COL5A1: variants seen among roughly 807,000 people sequenced by gnomAD.
COL5A1 encodes the protein collagen alpha-1(V) chain.
COL5A1 carries 16 observed loss-of-function variants against 263.7 expected under a neutral mutation model. That is an observed-to-expected ratio of 0.06 (90% CI 0.04 to 0.09). COL5A1 has a LOEUF of 0.09. Ranked by LOEUF, COL5A1 falls within the 10% of genes least tolerant of loss-of-function variation. COL5A1 has a pLI of 1.00. For synonymous variants in COL5A1, 1,012 were observed against 1,004.5 expected (o/e 1.01, Z -0.14); for missense variants, 2,036 against 2,540.5 (o/e 0.80, Z 4.27).
At chr9:134,674,522 G>T (rs1029831343) in intron 1 of COL5A1, among the ~76,000 whole-genome samples, 12 of 152,136 alleles carry the variant, frequency 7.9e-5, no homozygotes, top group Non-Finnish European at 1.5e-4. Context: ...TAGTGTGTGT[G>T]TGTGTTGGAT....
At position 134,790,497 on chromosome 9, in the gene COL5A1, C is replaced by T. The variant is rs1489634460; in HGVS notation, c.2700+1289C>T. 1.7e-4 allele frequency among the ~76,000 whole-genome samples: 14 copies of T among 83,142 alleles called. No individual in the cohort carries two copies. In the East Asian group the frequency reaches 3.1e-3, roughly 18 times the overall value. 54.5% of individuals were successfully genotyped at this position (83,142 alleles called of 152,430 possible). A position where few individuals can be genotyped will look rare whatever the true frequency, so the allele number is the denominator to read the frequency against. On this transcript the variant is annotated intron_variant, in intron 32 of 65. Coordinates refer to ENST00000371817, the MANE Select transcript of COL5A1 (RefSeq NM_000093.5). Reference sequence around the variant, plus strand: ...ACCCACCCATCCACCCATCCACCCACCCACCCACCCACCCATCCATTCATC... The same window carrying T: ...ACCCACCCATCCACCCATCCACCCATCCACCCACCCACCCATCCATTCATC...
rs898917922 is a variant in COL5A1 at position 134,757,759 on chromosome 9, C to T, written c.1882-484C>T. Among the ~76,000 whole-genome samples, 11 of 152,302 alleles carry T rather than the reference C, an allele frequency of 7.2e-5. No individual in the cohort carries two copies. Among genetic ancestry groups the T allele is most frequent in the Non-Finnish European group, 1.2e-4 (8 of 68,030 alleles). The stretch of plus-strand genomic sequence containing the variant: ...GCTCCAGGGCATGCAGAAGAGGGGC[C>T]GGCCAGAGAGCCAGGATGCCTGAGG... On this transcript the variant is annotated intron_variant, in intron 17 of 65. Coordinates refer to ENST00000371817, the MANE Select transcript of COL5A1 (RefSeq NM_000093.5). This position sits in a 1 kb window ranked among gnomAD's most constrained non-coding sequence, Gnocchi z 6.2.
chr9:134,660,420 A>G (rs1476438390), intron 1 of COL5A1, among the ~76,000 whole-genome samples: 1 of 152,178 alleles, frequency 6.6e-6, no homozygotes, highest in African/African-American at 2.4e-5. Flanking sequence ...TTTATTAGAA[A>G]CCAGTGGAAT....
chr9:134,772,771 G>T lies in COL5A1; in HGVS notation c.2287-19G>T, dbSNP rs773972034. 5.0e-6 allele frequency: 8 copies of T among 1,613,918 alleles called. No individual in the cohort carries two copies. In the South Asian group the frequency reaches 5.5e-5, roughly 11 times the overall value. On this transcript the variant is annotated intron_variant, in intron 25 of 65. Transcript: ENST00000371817. The stretch of plus-strand genomic sequence containing the variant: ...TCTGGAGTGGCACTGACTAATCAAT[G>T]CTTCTTCTTTTGTGACAGGGACACC...
chr9:134,768,365 A>T lies in COL5A1; in HGVS notation c.2233-45A>T, dbSNP rs774977453. 5 of 1,555,216 alleles carry T rather than the reference A, an allele frequency of 3.2e-6. No individual in the cohort carries two copies. In the Admixed American group the frequency reaches 8.3e-5, roughly 26 times the overall value. ...TGGTGGCCGACGGAGAGGTCAGGTGAGCCTAGGGAGGGCATCTCCTCATGG... is the reference window on the plus strand; with the variant it reads ...TGGTGGCCGACGGAGAGGTCAGGTGTGCCTAGGGAGGGCATCTCCTCATGG... On this transcript the variant is annotated intron_variant, in intron 24 of 65. Transcript: ENST00000371817.
chr9:134,766,569 G>C, intron 22 of COL5A1, 71 bp downstream of exon 22: 2 of 1,485,178 alleles, frequency 1.3e-6, no homozygotes, highest in Non-Finnish European at 1.9e-6. Flanking sequence ...CCTGGCTAGG[G>C]AGGTCCATCG....
chr9:134,828,389 A>T (rs1334506474), intron 63 of COL5A1, among the ~76,000 whole-genome samples: 1 of 152,078 alleles, frequency 6.6e-6, no homozygotes, highest in Non-Finnish European at 1.5e-5. Flanking sequence ...CAGGCAGCCG[A>T]GGAGCAGCCC....
intron 11 of COL5A1, among the ~76,000 whole-genome samples, chr9:134,747,406 T>C (rs554985588): frequency 1.3e-5 from 2 of 152,306 alleles, no homozygotes; most frequent in South Asian, 4.1e-4. Context: ...AGCAACACCA[T>C]GTGAGCAGGA....
intron 9 of COL5A1, chr9:134,732,545 G>A (rs564502841): frequency 1.2e-4 from 36 of 313,014 alleles, no homozygotes; most frequent in African/African-American, 6.1e-4. Flanking sequence ...TAGTTAACAC[G>A]TGGTCGTACC....
chr9:134,691,493 T>C (rs372894940), intron 2 of COL5A1: 1 of 228,274 alleles, frequency 4.4e-6, no homozygotes, highest in African/African-American at 2.3e-5. Flanking sequence ...GCAGTGACAT[T>C]AAGAGACGAT....
rs1231071869 is a variant in COL5A1, at chr9:134,728,870, C to T, written c.924+63C>T. 12 of 1,603,750 alleles carry T rather than the reference C, an allele frequency of 7.5e-6. No homozygotes were observed. The South Asian group carries it at 8.8e-5, about 12-fold the overall frequency. Reference sequence around the variant, plus strand: ...CTCGAGGCCATGGTGCAGGGGAGGGCGAGGCCAGGAGAGGTTGTGTCAGGG... The same window carrying T: ...CTCGAGGCCATGGTGCAGGGGAGGGTGAGGCCAGGAGAGGTTGTGTCAGGG... On this transcript the variant is annotated intron_variant, in intron 6 of 65. Transcript: ENST00000371817.
At chr9:134,703,900 C>A (rs567661830) in intron 4 of COL5A1, among the ~76,000 whole-genome samples, 8 of 152,140 alleles carry the variant, frequency 5.3e-5, no homozygotes, top group South Asian at 4.1e-4. Context: ...CGGCCTCCCA[C>A]AGTGCTGGGA....
rs141676973 is a variant in COL5A1, at chr9:134,811,386, C to T, written c.3576C>T (p.Gly1192=). Residue 1192 remains glycine, a synonymous_variant, in exon 45 of 66, where the codon GGC becomes GGT. Transcript: ENST00000371817. ...TGPQGPIGQP[G]PSGADGEPGP... ...CTCAAGGCCCCATCGGACAGCCAGG[C>T]CCCTCTGTGAGTATCCATGGTCAAT... 2 of 1,613,416 alleles carry T rather than the reference C, an allele frequency of 1.2e-6. No homozygotes were observed. The highest frequency in any genetic ancestry group is 1.1e-5 in the South Asian group (1 of 91,046).
At chr9:134,740,180 A>G (rs1564423420) in intron 11 of COL5A1, among the ~76,000 whole-genome samples, 1 of 152,138 alleles carries the variant, frequency 6.6e-6, no homozygotes, top group Non-Finnish European at 1.5e-5. Flanking sequence ...ACATTTCCAA[A>G]ACTCCAGACA....
At chr9:134,822,838 C>A in intron 59 of COL5A1, 160 bp from the exon 60 acceptor site, 1 of 862,214 alleles carries the variant, frequency 1.2e-6, no homozygotes, top group Non-Finnish European at 1.9e-6. Context: ...AGGCCCCGAC[C>A]CTCCTCCCAC....
At chr9:134,782,558 C>G (rs755676002) in intron 28 of COL5A1, 109 bp from the exon 29 acceptor site, 3 of 1,057,360 alleles carry the variant, frequency 2.8e-6, no homozygotes, top group South Asian at 1.2e-5. Flanking sequence ...TGCTGCCCCC[C>G]AAGCGTGGGG....
chr9:134,723,898 C>T (rs746501923), intron 4 of COL5A1, among the ~76,000 whole-genome samples: 4 of 152,190 alleles, frequency 2.6e-5, no homozygotes, highest in Admixed American at 6.5e-5. Flanking sequence ...CTGAGCTCCT[C>T]GCTCATCATT....
At chr9:134,706,344 T>A (rs4552987) in intron 4 of COL5A1, among the ~76,000 whole-genome samples, 1 of 152,064 alleles carries the variant, frequency 6.6e-6, no homozygotes, top group Non-Finnish European at 1.5e-5. Context: ...GGGGCTGGGC[T>A]CCCCCCAGTG....
intron 6 of COL5A1, among the ~76,000 whole-genome samples, chr9:134,729,070 C>T (rs994353265): frequency 6.6e-5 from 10 of 152,204 alleles, no homozygotes; most frequent in African/African-American, 1.4e-4. Context: ...GCCCTGGCCC[C>T]GGTCCCCACC....
Sources: allele counts gnomAD v4.1 joint callset (sites outside exome capture counted in the v4.1 genomes callset), GRCh38; gene constraint gnomAD v4.1.1; non-coding constraint Gnocchi (gnomAD v3.1); transcripts MANE v1.5; gene names NCBI Gene and HGNC (gene_info 2026-07-23, HGNC 2026-07-21).